Variants in KATNIP observed in about 807,000 individuals in gnomAD.
KATNIP encodes the protein katanin interacting protein.
A neutral mutation model predicts 174.0 loss-of-function variants in KATNIP; 126 were observed. That is an observed-to-expected ratio of 0.72 (90% CI 0.63 to 0.84). KATNIP has a LOEUF of 0.84. KATNIP is among the 40% of genes least tolerant of loss of function. The probability of loss-of-function intolerance (pLI) is 0.00; values close to 1 mark genes in which losing one functional copy is unlikely to be tolerated. For synonymous variants in KATNIP, 810 were observed against 835.7 expected, an observed-to-expected ratio of 0.97 and a Z score of 0.53; for missense variants, 1,958 against 2,109.7, an observed-to-expected ratio of 0.93 and a Z score of 1.41.
At chr16:27,669,303 C>G in intron 6 of KATNIP, 2 of 985,362 alleles carry the variant, frequency 2.0e-6, no homozygotes, top group Non-Finnish European at 2.4e-6. Context: ...GTCCGTCCCT[C>G]CACCTTCTCC....
In KATNIP at chr16:27,761,410, C is replaced by T. The variant is rs757793260; in HGVS notation, c.3632-3C>T. ...TAATGGGCCACTTCTCTTCCTGTTG[C>T]AGGCCTTCAGCTGAATTTCACTGCC... On this transcript the variant is annotated splice_region_variant and splice_polypyrimidine_tract_variant and intron_variant, in intron 18 of 27. Transcript: ENST00000261588. 1.2e-6 allele frequency: 2 copies of T among 1,604,228 alleles called. No homozygotes were observed. Among genetic ancestry groups the T allele is most frequent in the Non-Finnish European group, 1.7e-6 (2 of 1,174,794 alleles).
At chr16:27,706,661 A>C (rs1372881594) in intron 12 of KATNIP, among the ~76,000 whole-genome samples, 1 of 152,172 alleles carries the variant, frequency 6.6e-6, no homozygotes, top group Non-Finnish European at 1.5e-5. Flanking sequence ...CAGCTTTTTC[A>C]TTTACGAACG....
intron 20 of KATNIP, among the ~76,000 whole-genome samples, chr16:27,769,576 G>C (rs928654410): frequency 4.6e-5 from 7 of 152,222 alleles, no homozygotes; most frequent in African/African-American, 7.2e-5. Context: ...TGCCGCCCCA[G>C]GCCGCTGCAG....
chr16:27,571,807 A>T (rs1261947646), intron 1 of KATNIP, among the ~76,000 whole-genome samples: 2 of 152,200 alleles, frequency 1.3e-5, no homozygotes, highest in Non-Finnish European at 2.9e-5. Context: ...ACTACCTGGC[A>T]TGTCATTTTC....
chr16:27,621,177 G>A (rs929367763), intron 3 of KATNIP, among the ~76,000 whole-genome samples: 7 of 151,958 alleles, frequency 4.6e-5, no homozygotes, highest in African/African-American at 1.7e-4. Context: ...TCACTACTTA[G>A]GAGGCTGAGG....
chr16:27,620,250 G>C (rs1291006598), intron 3 of KATNIP, among the ~76,000 whole-genome samples: 3 of 152,222 alleles, frequency 2.0e-5, no homozygotes, highest in Admixed American at 2.0e-4. Flanking sequence ...TTAGAAGGTA[G>C]AGCTGGAAAG....
At chr16:27,671,510 T>C (rs2077902132) in intron 6 of KATNIP, among the ~76,000 whole-genome samples, 1 of 152,238 alleles carries the variant, frequency 6.6e-6, no homozygotes, top group African/African-American at 2.4e-5. Flanking sequence ...CTCAACGATC[T>C]TTGTGTACTT....
intron 2 of KATNIP, among the ~76,000 whole-genome samples, chr16:27,608,521 AT>A (rs928789583): frequency 1.4e-5 from 2 of 141,396 alleles, no homozygotes. Context: ...CTTGGTAGGA[AT>A]TTTTTTTTCC....
intron 2 of KATNIP, among the ~76,000 whole-genome samples, chr16:27,614,691 CA>C (rs1314809670): frequency 6.6e-6 from 1 of 152,134 alleles, no homozygotes; most frequent in Non-Finnish European, 1.5e-5. Flanking sequence ...CCAACTTAGC[CA>C]GAAGCAAAGT....
intron 2 of KATNIP, 148 bp downstream of exon 2, chr16:27,574,104 A>T (rs929803268): frequency 3.1e-6 from 2 of 650,676 alleles, no homozygotes; most frequent in Non-Finnish European, 5.5e-6. Flanking sequence ...GTGAGCAACT[A>T]GACTTACCAA....
chr16:27,771,039 G>T (rs1245476247), intron 21 of KATNIP, among the ~76,000 whole-genome samples: 1 of 152,186 alleles, frequency 6.6e-6, no homozygotes, highest in African/African-American at 2.4e-5. Flanking sequence ...TCCCAAGGCT[G>T]CCTCCTCCTG....
chr16:27,775,164 C>T (rs566314390), intron 24 of KATNIP, 80 bp downstream of exon 24: 57 of 1,495,520 alleles, frequency 3.8e-5, no homozygotes, highest in Non-Finnish European at 5.1e-5. Flanking sequence ...CTCAGTGACA[C>T]GTCTTTCTTC....
At chr16:27,746,105 T>C (rs993630215) in intron 15 of KATNIP, among the ~76,000 whole-genome samples, 8 of 151,896 alleles carry the variant, frequency 5.3e-5, no homozygotes, top group Non-Finnish European at 1.2e-4. Context: ...GCTGGGATTA[T>C]AGGCGTGAGC....
intron 19 of KATNIP, 115 bp downstream of exon 19, chr16:27,761,705 C>A (rs2144036105): frequency 1.1e-6 from 1 of 940,084 alleles, no homozygotes; most frequent in Non-Finnish European, 1.7e-6. Context: ...CCTCCCCTGG[C>A]CACCCTGTGA....
At chr16:27,697,162 T>C (rs1033191293) in intron 8 of KATNIP, among the ~76,000 whole-genome samples, 4 of 152,186 alleles carry the variant, frequency 2.6e-5, no homozygotes, top group Admixed American at 6.5e-5. Flanking sequence ...TTCCTTTGGG[T>C]ATATACCTAG....
chr16:27,739,484 G>A (rs576183721), intron 14 of KATNIP, among the ~76,000 whole-genome samples: 1 of 152,082 alleles, frequency 6.6e-6, no homozygotes, highest in Non-Finnish European at 1.5e-5. Flanking sequence ...CCAAATACTC[G>A]ACTTGCACCC....
intron 20 of KATNIP, among the ~76,000 whole-genome samples, chr16:27,767,135 G>A (rs1456066762): frequency 6.6e-6 from 1 of 152,090 alleles, no homozygotes; most frequent in Non-Finnish European, 1.5e-5. Flanking sequence ...ATGTAAAAGT[G>A]ACAATGAGGC....
At position 27,590,884 on chromosome 16, in the gene KATNIP, A is replaced by G. The variant is rs13333465; in HGVS notation, c.63+16928A>G. On this transcript the variant is annotated intron_variant, in intron 2 of 27. Coordinates refer to ENST00000261588, the MANE Select transcript of KATNIP (RefSeq NM_015202.5). ...GATTTCTCAACATTTTTAATCTGCTAGTGGCACCCCTTTTTATTTTCCACT... is the reference window on the plus strand; with the variant it reads ...GATTTCTCAACATTTTTAATCTGCTGGTGGCACCCCTTTTTATTTTCCACT... Among the ~76,000 whole-genome samples the G allele has an allele frequency of 8.0e-3, 1,217 of 152,306 alleles. 17 individuals are homozygous for G. Among genetic ancestry groups the G allele is most frequent in the African/African-American group, 0.028 (1,161 of 41,564 alleles).
intron 2 of KATNIP, among the ~76,000 whole-genome samples, chr16:27,578,770 G>T (rs189996316): frequency 2.0e-5 from 3 of 152,104 alleles, no homozygotes; most frequent in East Asian, 1.9e-4. Context: ...TAGAGATGGG[G>T]TTTCATCATG....
Sources: allele counts gnomAD v4.1 joint callset (sites outside exome capture counted in the v4.1 genomes callset), GRCh38; gene constraint gnomAD v4.1.1; transcripts MANE v1.5; gene names NCBI Gene and HGNC (gene_info 2026-07-23, HGNC 2026-07-21).